LTBP1: variants seen among roughly 807,000 people sequenced by gnomAD.
LTBP1 encodes the protein latent transforming growth factor beta binding protein 1, also known as latent-transforming growth factor beta-binding protein 1.
LTBP1 carries 129 observed loss-of-function variants against 207.6 expected under a neutral mutation model. The observed-to-expected ratio is 0.62, with a 90% CI of 0.54 to 0.72. LTBP1 has a LOEUF of 0.72. Among genes scored for constraint, LTBP1 ranks in the 30% least tolerant of loss-of-function variants. The pLI is 0.00. For missense variants in LTBP1, 2,281 were observed against 2,217.2 expected, an observed-to-expected ratio of 1.03 and a Z score of -0.58; for synonymous variants, 963 against 833.7, an observed-to-expected ratio of 1.16 and a Z score of -2.67.
intron 3 of LTBP1, among the ~76,000 whole-genome samples, chr2:33,024,933 G>T (rs929758470): frequency 6.6e-6 from 1 of 152,218 alleles, no homozygotes; most frequent in African/African-American, 2.4e-5. Context: ...GACTGGGGCT[G>T]GGGAATCCAC....
At chr2:33,010,570 C>T (rs184242455) in intron 2 of LTBP1, among the ~76,000 whole-genome samples, 1 of 152,136 alleles carries the variant, frequency 6.6e-6, no homozygotes, top group East Asian at 1.9e-4. Context: ...GTGATGGATG[C>T]CCTAAATATG....
chr2:33,123,917 A>G (rs940825378), intron 4 of LTBP1, among the ~76,000 whole-genome samples: 4 of 152,188 alleles, frequency 2.6e-5, no homozygotes, highest in Non-Finnish European at 5.9e-5. Context: ...TACAGAAATC[A>G]ATCTTATTCA....
chr2:33,355,685 C>T (rs1242454066), intron 26 of LTBP1, among the ~76,000 whole-genome samples: 2 of 151,996 alleles, frequency 1.3e-5, no homozygotes, highest in Non-Finnish European at 2.9e-5. Flanking sequence ...AGAGTAATAT[C>T]CCCGACTTTT....
At chr2:33,025,716 A>T (rs1377909334) in intron 3 of LTBP1, among the ~76,000 whole-genome samples, 1 of 152,228 alleles carries the variant, frequency 6.6e-6, no homozygotes, top group African/African-American at 2.4e-5. Context: ...TTTACAGATG[A>T]AATGATATGA....
intron 3 of LTBP1, among the ~76,000 whole-genome samples, chr2:33,033,953 C>CAT (rs2075802341): frequency 1.3e-5 from 2 of 152,076 alleles, no homozygotes; most frequent in South Asian, 4.1e-4. Flanking sequence ...GACTGTTTGC[C>CAT]ATATAAGCCT....
rs1423255848 is a variant in LTBP1 at position 33,380,149 on chromosome 2, A to G, written c.4712-9035A>G. 3.9e-5 allele frequency among the ~76,000 whole-genome samples: 6 copies of G among 152,344 alleles called. No homozygotes were observed. In the South Asian group the frequency reaches 6.2e-4, roughly 16 times the overall value. On this transcript the variant is annotated intron_variant, in intron 31 of 33. Coordinates refer to ENST00000404816, the MANE Select transcript of LTBP1 (RefSeq NM_206943.4). ...CAGTTTGTTAAATTACATGTTTGTCATCATTCTGAAAAATATCTAGATGGG... is the reference window on the plus strand; with the variant it reads ...CAGTTTGTTAAATTACATGTTTGTCGTCATTCTGAAAAATATCTAGATGGG...
At chr2:33,341,299 A>G (rs983163677) in intron 24 of LTBP1, among the ~76,000 whole-genome samples, 1 of 152,116 alleles carries the variant, frequency 6.6e-6, no homozygotes, top group Non-Finnish European at 1.5e-5. Context: ...TTGGAGAAGG[A>G]TGAGCAGGTG....
At chr2:32,993,421 A>G (rs1057213523) in intron 2 of LTBP1, among the ~76,000 whole-genome samples, 1 of 151,350 alleles carries the variant, frequency 6.6e-6, no homozygotes, top group Admixed American at 6.6e-5. Flanking sequence ...ATGCACACAC[A>G]CTCTCTCTCT....
intron 10 of LTBP1, among the ~76,000 whole-genome samples, chr2:33,244,660 A>C (rs1223681032): frequency 6.6e-6 from 1 of 152,118 alleles, no homozygotes; most frequent in Non-Finnish European, 1.5e-5. Flanking sequence ...TTTTAAAGAG[A>C]TGGGGTCTTG....
intron 5 of LTBP1, among the ~76,000 whole-genome samples, chr2:33,179,756 A>G (rs569076109): frequency 7.2e-5 from 11 of 152,290 alleles, no homozygotes; most frequent in Non-Finnish European, 1.2e-4. Flanking sequence ...AGCGTATCCA[A>G]TAGAAGATCC....
chr2:33,096,127 C>T (rs1380061718), intron 3 of LTBP1, among the ~76,000 whole-genome samples: 2 of 152,180 alleles, frequency 1.3e-5, no homozygotes, highest in East Asian at 1.9e-4. Flanking sequence ...ATCTTGAGAG[C>T]AGCCAGAGTC....
chr2:32,947,237 G>T lies in LTBP1; in HGVS notation c.-88G>T. 9.6e-7 allele frequency: 1 copy of T among 1,037,754 alleles called. No individual in the cohort carries two copies. The highest frequency in any genetic ancestry group is 1.7e-5 in the African/African-American group (1 of 59,992). 64.3% of individuals were successfully genotyped at this position (1,037,754 alleles called of 1,614,324 possible). The stretch of plus-strand genomic sequence containing the variant: ...CCCGGGCTCTCGGCAGCTCTCGGGG[G>T]AGCCCGAACGCGCGGGGAAAGGCGA... On this transcript the variant is annotated 5_prime_UTR_variant, in exon 1 of 34. Coordinates refer to ENST00000404816, the MANE Select transcript of LTBP1 (RefSeq NM_206943.4).
In LTBP1 at chr2:33,275,956, C is replaced by T. The variant is rs781485402; in HGVS notation, c.2992+33C>T. On this transcript the variant is annotated intron_variant, in intron 18 of 33. Coordinates refer to ENST00000404816, the MANE Select transcript of LTBP1 (RefSeq NM_206943.4). ...AGCTGAGAGTGTTCAGCACACATGACGGTGATGTGCAGGGTTGGTAGGCAC... is the reference window on the plus strand; with the variant it reads ...AGCTGAGAGTGTTCAGCACACATGATGGTGATGTGCAGGGTTGGTAGGCAC... The T allele has an allele frequency of 1.5e-5, 23 of 1,540,194 alleles. No homozygotes were observed. In the South Asian group the frequency reaches 2.0e-4, roughly 14 times the overall value.
chr2:32,990,615 A>G (rs1477913123), intron 2 of LTBP1, among the ~76,000 whole-genome samples: 2 of 152,174 alleles, frequency 1.3e-5, no homozygotes, highest in African/African-American at 2.4e-5. Flanking sequence ...GATGCTTTTC[A>G]TATAGTTTCT....
At chr2:33,373,508 G>A (rs193140082) in intron 31 of LTBP1, among the ~76,000 whole-genome samples, 101 of 152,312 alleles carry the variant, frequency 6.6e-4, no homozygotes, top group South Asian at 1.2e-3. Flanking sequence ...AGCAATGTCA[G>A]TATGTATCCA....
At chr2:33,031,592 A>G (rs2075693472) in intron 3 of LTBP1, among the ~76,000 whole-genome samples, 1 of 152,224 alleles carries the variant, frequency 6.6e-6, no homozygotes, top group African/African-American at 2.4e-5. Flanking sequence ...GGAGATTGGC[A>G]GGGGCTGGAG....
chr2:33,121,439 T>A (rs1263109952), intron 4 of LTBP1, among the ~76,000 whole-genome samples: 1 of 152,136 alleles, frequency 6.6e-6, no homozygotes, highest in African/African-American at 2.4e-5. Flanking sequence ...CGTTCCTGTG[T>A]TGATGGTATC....
At chr2:33,350,623 T>C (rs537531842) in intron 26 of LTBP1, among the ~76,000 whole-genome samples, 119 of 152,342 alleles carry the variant, frequency 7.8e-4, no homozygotes, top group African/African-American at 2.8e-3. Context: ...CTTAATGTTT[T>C]TTACTGCCTG....
At chr2:33,273,383 A>T (rs1006251738) in intron 15 of LTBP1, among the ~76,000 whole-genome samples, 4 of 152,188 alleles carry the variant, frequency 2.6e-5, no homozygotes, top group Non-Finnish European at 4.4e-5. Context: ...TACAACTTAC[A>T]ACATGGCCTT....
Sources: allele counts gnomAD v4.1 joint callset (sites outside exome capture counted in the v4.1 genomes callset), GRCh38; gene constraint gnomAD v4.1.1; transcripts MANE v1.5; gene names NCBI Gene and HGNC (gene_info 2026-07-23, HGNC 2026-07-21).